Variants in MARCHF4 observed in about 807,000 individuals in gnomAD.
MARCHF4 encodes the protein E3 ubiquitin-protein ligase MARCHF4.
Under a neutral mutation model 43.9 loss-of-function variants are expected in MARCHF4, and 14 were observed. The observed-to-expected ratio is 0.32, with a 90% confidence interval of 0.21 to 0.50. The LOEUF (loss-of-function observed/expected upper bound fraction) is 0.50. Among genes scored for constraint, MARCHF4 ranks in the 20% least tolerant of loss-of-function variants. MARCHF4 has a pLI of 0.98. For synonymous variants in MARCHF4, 226 were observed against 213.3 expected (o/e 1.06, Z -0.52); for missense variants, 468 against 536.7 (o/e 0.87, Z 1.27).
chr2:216,287,183 A>T (rs1473230603), intron 1 of MARCHF4, among the ~76,000 whole-genome samples: 1 of 152,124 alleles, frequency 6.6e-6, no homozygotes, highest in African/African-American at 2.4e-5. Context: ...ACAGTTTGGT[A>T]CTTCACCATT....
intron 1 of MARCHF4, among the ~76,000 whole-genome samples, chr2:216,356,306 A>C (rs1692502204): frequency 6.6e-6 from 1 of 152,146 alleles, no homozygotes; most frequent in Non-Finnish European, 1.5e-5. Flanking sequence ...TGTCAATCTC[A>C]AAGCATGCAG....
chr2:216,347,195 G>A (rs116519040), intron 1 of MARCHF4, among the ~76,000 whole-genome samples: 4,017 of 152,214 alleles, frequency 0.026, 169 homozygotes, highest in African/African-American at 0.087. Context: ...TGTAAGAATG[G>A]TCTAATACAG....
At chr2:216,275,618 C>T (rs1223679116) in intron 3 of MARCHF4, among the ~76,000 whole-genome samples, 8 of 152,190 alleles carry the variant, frequency 5.3e-5, no homozygotes, top group African/African-American at 9.6e-5. Flanking sequence ...CCAGACTGGT[C>T]GATGACATGG....
rs544916296 is a variant in MARCHF4, at chr2:216,267,191, A to G, written c.866-7512T>C. 5.3e-5 allele frequency among the ~76,000 whole-genome samples: 8 copies of G among 152,314 alleles called. No homozygotes were observed. In the South Asian group the frequency reaches 1.7e-3, roughly 32 times the overall value. On this transcript the variant is annotated intron_variant, in intron 3 of 3. Transcript: ENST00000273067. ...CCTTGGTATAAAGTTGCCACTGAGA[A>G]GTTACATTTTCTAGCTTTTTGCACC... is the stretch of plus-strand genomic sequence containing the variant.
At position 216,263,513 on chromosome 2, in the gene MARCHF4, G is replaced by GAA. The variant is rs1559280539; in HGVS notation, c.866-3835_866-3834insTT. Among the ~76,000 whole-genome samples, 729 of 112,352 alleles carry GAA rather than the reference G, an allele frequency of 6.5e-3. 6 individuals carry two copies. The highest frequency in any genetic ancestry group is 0.026 in the East Asian group (123 of 4,654). The allele number at this position is 112,352 out of a possible 152,430, so 73.7% of individuals were successfully genotyped here. ...AGAGAAAGAGAGAGAGAGAGAGAGA[G>GAA]AGAGAGAGAGAGAGAGAGAGAGAGA... On this transcript the variant is annotated intron_variant, in intron 3 of 3. Transcript: ENST00000273067.
intron 1 of MARCHF4, among the ~76,000 whole-genome samples, chr2:216,296,921 G>A (rs1301838503): frequency 6.6e-6 from 1 of 152,184 alleles, no homozygotes; most frequent in African/African-American, 2.4e-5. Flanking sequence ...ACCAAAGGGT[G>A]GGTCCTGCGC....
At chr2:216,345,817 C>T (rs1234039645) in intron 1 of MARCHF4, among the ~76,000 whole-genome samples, 1 of 152,182 alleles carries the variant, frequency 6.6e-6, no homozygotes, top group Admixed American at 6.5e-5. Context: ...AGGACTCCAG[C>T]CTTGTTCTCC....
In MARCHF4 at chr2:216,317,391, C is replaced by A. The variant is rs557108855; in HGVS notation, c.517-33662G>T. Among the ~76,000 whole-genome samples the A allele has an allele frequency of 2.2e-4, 34 of 151,394 alleles. No homozygotes were observed. The South Asian group carries it at 6.9e-3, about 31-fold the overall frequency. On this transcript the variant is annotated intron_variant, in intron 1 of 3. Transcript: ENST00000273067. ...CATGAGGAGCCAATTTGGGTGCCCA[C>A]ATGCAACATCAGCTTCCTAATCCTT... is the stretch of plus-strand genomic sequence containing the variant.
At chr2:216,301,070 T>A (rs1462684899) in intron 1 of MARCHF4, among the ~76,000 whole-genome samples, 1 of 152,182 alleles carries the variant, frequency 6.6e-6, no homozygotes, top group Non-Finnish European at 1.5e-5. Flanking sequence ...AGCCAGCGCA[T>A]CCTGCTGGGG....
chr2:216,357,659 G>A (rs975998844), intron 1 of MARCHF4, among the ~76,000 whole-genome samples: 1 of 152,174 alleles, frequency 6.6e-6, no homozygotes, highest in African/African-American at 2.4e-5. Flanking sequence ...ACTTTGGAAA[G>A]TACTGGCCAG....
intron 1 of MARCHF4, among the ~76,000 whole-genome samples, chr2:216,354,582 C>A (rs1051469161): frequency 1.3e-5 from 2 of 152,214 alleles, no homozygotes; most frequent in Non-Finnish European, 2.9e-5. Flanking sequence ...TGGGGCCTGA[C>A]ACCCAGTGGT....
chr2:216,344,022 G>A (rs563648675), intron 1 of MARCHF4, among the ~76,000 whole-genome samples: 3 of 152,308 alleles, frequency 2.0e-5, no homozygotes, highest in East Asian at 3.9e-4. Context: ...TGGGGCAGGG[G>A]AGAGGGGACT....
chr2:216,340,595 T>C (rs906852453), intron 1 of MARCHF4, among the ~76,000 whole-genome samples: 5 of 152,148 alleles, frequency 3.3e-5, no homozygotes, highest in African/African-American at 1.2e-4. Flanking sequence ...GCAACAGTCT[T>C]AGCCTACCCT....
In MARCHF4 at chr2:216,283,519, A is replaced by C. The variant is rs1021829664; in HGVS notation, c.672+55T>G. ...GGTGAAGTAAGCCTCCTGCTAAAGCAGGTGGTGTGGAAGCCCCAGGCCCAG... is the reference window on the plus strand; with the variant it reads ...GGTGAAGTAAGCCTCCTGCTAAAGCCGGTGGTGTGGAAGCCCCAGGCCCAG... On this transcript the variant is annotated intron_variant, in intron 2 of 3. Coordinates refer to ENST00000273067, the MANE Select transcript of MARCHF4 (RefSeq NM_020814.3). The C allele has an allele frequency of 1.1e-5, 16 of 1,522,348 alleles. No homozygotes were observed. The Middle Eastern group carries it at 5.3e-4, about 50-fold the overall frequency. The allele number at this position is 1,522,348 out of a possible 1,614,324, so 94.3% of individuals were successfully genotyped here. A position where few individuals can be genotyped will look rare whatever the true frequency, so the allele number is the denominator to read the frequency against.
At chr2:216,290,395 T>C (rs1691290588) in intron 1 of MARCHF4, among the ~76,000 whole-genome samples, 1 of 152,188 alleles carries the variant, frequency 6.6e-6, no homozygotes, top group African/African-American at 2.4e-5. Context: ...AAGGCTGGTG[T>C]CTCTGGGGTA....
chr2:216,263,007 C>T (rs182158864), intron 3 of MARCHF4, among the ~76,000 whole-genome samples: 1 of 152,306 alleles, frequency 6.6e-6, no homozygotes, highest in East Asian at 1.9e-4. Context: ...CTCTGCCAAG[C>T]ACTGATCTAT....
chr2:216,293,585 A>AC (rs1215350243), intron 1 of MARCHF4, among the ~76,000 whole-genome samples: 1 of 148,364 alleles, frequency 6.7e-6, no homozygotes, highest in African/African-American at 2.4e-5. Flanking sequence ...AAAAAAAAAA[A>AC]AACAATGTAA....
Position 216,370,161 on chromosome 2 carries a change from G to A in MARCHF4, c.100C>T (p.His34Tyr). The A allele has an allele frequency of 1.2e-6, 2 of 1,611,022 alleles. No individual in the cohort carries two copies. Among genetic ancestry groups the A allele is most frequent in the Non-Finnish European group, 1.7e-6 (2 of 1,178,882 alleles). ...CAGCGGCACTTGAGGAGACCCTGGTGGCGCAACATCTGGGGGGCTGGGGCA... is the reference window on the plus strand; with the variant it reads ...CAGCGGCACTTGAGGAGACCCTGGTAGCGCAACATCTGGGGGGCTGGGGCA... The part of the protein sequence containing the change: ...LCAPAPQMLR[H>Y]QGLLKCRCRM... The change falls in exon 1 of 4, where the codon CAC becomes TAC. Residue 34 changes from histidine to tyrosine, a missense_variant. Coordinates refer to ENST00000273067, the MANE Select transcript of MARCHF4 (RefSeq NM_020814.3).
At chr2:216,354,555 T>C (rs1425507850) in intron 1 of MARCHF4, among the ~76,000 whole-genome samples, 1 of 152,194 alleles carries the variant, frequency 6.6e-6, no homozygotes, top group Non-Finnish European at 1.5e-5. Flanking sequence ...AAGCTCTCCA[T>C]CTTATCTCTG....
Sources: allele counts gnomAD v4.1 joint callset (sites outside exome capture counted in the v4.1 genomes callset), GRCh38; gene constraint gnomAD v4.1.1; transcripts MANE v1.5; gene names NCBI Gene and HGNC (gene_info 2026-07-23, HGNC 2026-07-21).